The following CAMK2D variants were observed in gnomAD, a reference collection of about 807,000 sequenced individuals.
The protein encoded by CAMK2D is calcium/calmodulin-dependent protein kinase type II subunit delta.
In CAMK2D, 37 loss-of-function variants were observed where a neutral mutation model predicts 84.0. That is an observed-to-expected ratio of 0.44 (90% CI 0.34 to 0.58). CAMK2D has a LOEUF of 0.58. CAMK2D is among the 20% of genes least tolerant of loss of function. The pLI is 0.02. For missense variants in CAMK2D, 448 were observed against 652.5 expected (o/e 0.69, Z 3.41); for synonymous variants, 202 against 212.5 (o/e 0.95, Z 0.43).
chr4:113,515,321 G>C, intron 9 of CAMK2D, 130 bp from the exon 10 acceptor site: 1 of 582,804 alleles, frequency 1.7e-6, no homozygotes, highest in East Asian at 3.1e-5. Context: ...TATAAGTTAA[G>C]TTGTATCTAA....
At chr4:113,463,772 A>G (rs1309912807) in intron 17 of CAMK2D, among the ~76,000 whole-genome samples, 1 of 152,174 alleles carries the variant, frequency 6.6e-6, no homozygotes, top group East Asian at 1.9e-4. Context: ...ATATTTTTCC[A>G]GGTCGCTAGA....
chr4:113,731,796 G>C (rs2099569700), intron 2 of CAMK2D, among the ~76,000 whole-genome samples: 1 of 152,064 alleles, frequency 6.6e-6, no homozygotes, highest in South Asian at 2.1e-4. Flanking sequence ...ATGTTGGTCA[G>C]GCTGGTCTCA....
At chr4:113,533,478 TTAC>T (rs1366480839) in intron 7 of CAMK2D, among the ~76,000 whole-genome samples, 1 of 152,086 alleles carries the variant, frequency 6.6e-6, no homozygotes. Flanking sequence ...CATATGTTTC[TTAC>T]TTTGAAAAAC....
At chr4:113,707,851 T>C (rs1278952445) in intron 2 of CAMK2D, among the ~76,000 whole-genome samples, 2 of 152,190 alleles carry the variant, frequency 1.3e-5, no homozygotes, top group African/African-American at 2.4e-5. Context: ...TATCTACCTG[T>C]CTAAGTGCTG....
In CAMK2D at chr4:113,506,134, G is replaced by A. The variant is rs114568886; in HGVS notation, c.985-1099C>T. ...AACATATACTATATAAAATAAATGA[G>A]TATCAAATGAGCATTTCAAGTGGTG... On this transcript the variant is annotated intron_variant, in intron 13 of 20. Transcript: ENST00000511664. Among the ~76,000 whole-genome samples the A allele has an allele frequency of 1.0e-2, 1,514 of 152,088 alleles. 36 individuals are homozygous for A. Among genetic ancestry groups the A allele is most frequent in the African/African-American group, 0.034 (1,416 of 41,452 alleles).
chr4:113,724,565 G>GAA (rs1471860719), intron 2 of CAMK2D, among the ~76,000 whole-genome samples: 1 of 150,812 alleles, frequency 6.6e-6, no homozygotes, highest in African/African-American at 2.4e-5. Context: ...CAATAAAGTA[G>GAA]AAAACAAAAA....
rs75631503 is a variant in CAMK2D at position 113,696,165 on chromosome 4, C to A, written c.161-34393G>T. ...ATCATATTTAAAATTGCAACGCACA[C>A]CACTTGACAGACAGACACACAGACA... is the stretch of plus-strand genomic sequence containing the variant. On this transcript the variant is annotated intron_variant, in intron 2 of 20. Transcript: ENST00000511664. Among the ~76,000 whole-genome samples, 1,116 of 148,476 alleles carry A rather than the reference C, an allele frequency of 7.5e-3. 13 individuals are homozygous for A. The highest frequency in any genetic ancestry group is 0.026 in the African/African-American group (1,041 of 40,476).
chr4:113,546,591 A>G (rs2098575063), intron 6 of CAMK2D, among the ~76,000 whole-genome samples: 1 of 152,188 alleles, frequency 6.6e-6, no homozygotes, highest in African/African-American at 2.4e-5. Context: ...AATTTTTTTT[A>G]TAACCAGAAA....
At chr4:113,522,296 T>G (rs977765867) in intron 8 of CAMK2D, among the ~76,000 whole-genome samples, 20 of 152,092 alleles carry the variant, frequency 1.3e-4, no homozygotes, top group Middle Eastern at 3.2e-3. Flanking sequence ...TCTAAGTAAA[T>G]AAAGGGGTAC....
intron 3 of CAMK2D, among the ~76,000 whole-genome samples, chr4:113,619,606 C>T (rs536392314): frequency 5.3e-5 from 8 of 152,272 alleles, no homozygotes; most frequent in Admixed American, 2.0e-4. Flanking sequence ...AGCCTTTGCA[C>T]TTGATGTTTC....
intron 4 of CAMK2D, among the ~76,000 whole-genome samples, chr4:113,568,359 T>G (rs1345704369): frequency 6.6e-6 from 1 of 152,222 alleles, no homozygotes; most frequent in East Asian, 1.9e-4. Flanking sequence ...TTATTTCTCT[T>G]AGCCTAATGT....
chr4:113,611,025 T>A (rs2098997930), intron 3 of CAMK2D, among the ~76,000 whole-genome samples: 1 of 145,598 alleles, frequency 6.9e-6, no homozygotes, highest in Admixed American at 7.0e-5. Flanking sequence ...AAGATAGCTA[T>A]ATATATGTTA....
chr4:113,497,992 T>G (rs1022921105), intron 16 of CAMK2D, among the ~76,000 whole-genome samples: 1 of 152,228 alleles, frequency 6.6e-6, no homozygotes, highest in African/African-American at 2.4e-5. Flanking sequence ...GACACAGTTT[T>G]GTAGATATGA....
chr4:113,580,713 C>G (rs113717399), intron 4 of CAMK2D, among the ~76,000 whole-genome samples: 3 of 152,032 alleles, frequency 2.0e-5, no homozygotes, highest in African/African-American at 7.3e-5. Flanking sequence ...TCTGTAAAAT[C>G]ATGATAATAA....
intron 4 of CAMK2D, among the ~76,000 whole-genome samples, chr4:113,597,946 C>A (rs1425553067): frequency 6.6e-6 from 1 of 152,094 alleles, no homozygotes; most frequent in Non-Finnish European, 1.5e-5. Context: ...TCAGTGGGGG[C>A]AGTCAGAACA....
intron 4 of CAMK2D, among the ~76,000 whole-genome samples, chr4:113,563,399 G>A (rs955959618): frequency 6.6e-6 from 1 of 151,620 alleles, no homozygotes. Flanking sequence ...TTAATGTGTG[G>A]GTTTTCTTTC....
chr4:113,510,266 G>C (rs1253576843), intron 12 of CAMK2D, among the ~76,000 whole-genome samples: 2 of 152,068 alleles, frequency 1.3e-5, no homozygotes, highest in Non-Finnish European at 2.9e-5. Flanking sequence ...AAAATGTTTA[G>C]CACATGATCT....
At chr4:113,565,526 C>T (rs905915072) in intron 4 of CAMK2D, among the ~76,000 whole-genome samples, 4 of 151,784 alleles carry the variant, frequency 2.6e-5, no homozygotes, top group Admixed American at 2.0e-4. Flanking sequence ...TGGTGCATGC[C>T]GGTAATCCCA....
At chr4:113,573,050 A>T (rs1561067309) in intron 4 of CAMK2D, among the ~76,000 whole-genome samples, 2 of 152,190 alleles carry the variant, frequency 1.3e-5, no homozygotes, top group Admixed American at 6.5e-5. Flanking sequence ...TTGAGGAAGG[A>T]GGGTGGGAGG....
Sources: allele counts gnomAD v4.1 joint callset (sites outside exome capture counted in the v4.1 genomes callset), GRCh38; gene constraint gnomAD v4.1.1; transcripts MANE v1.5; gene names NCBI Gene and HGNC (gene_info 2026-07-23, HGNC 2026-07-21).